Variants in CACNA1A observed in about 807,000 individuals in gnomAD.
CACNA1A encodes voltage-dependent P/Q-type calcium channel subunit alpha-1A.
CACNA1A carries 57 observed loss-of-function variants against 262.4 expected under a neutral mutation model. That is an observed-to-expected ratio of 0.22 (90% confidence interval 0.18 to 0.27). The LOEUF is 0.27. Ranked by LOEUF, CACNA1A falls within the 10% of genes least tolerant of loss-of-function variation. CACNA1A has a pLI of 1.00. For missense variants in CACNA1A, 2,526 were observed against 3,562.8 expected (o/e 0.71, Z 7.41); for synonymous variants, 1,431 against 1,419.3 (o/e 1.01, Z -0.18).
chr19:13,216,779 T>C (rs1035771900), intron 38 of CACNA1A, among the ~76,000 whole-genome samples: 3 of 152,132 alleles, frequency 2.0e-5, no homozygotes, highest in African/African-American at 7.2e-5. Flanking sequence ...CTTGAGCTCC[T>C]GGGCTCAAGC....
chr19:13,505,635 G>GTC (rs1161891530), intron 1 of CACNA1A, among the ~76,000 whole-genome samples: 1 of 151,910 alleles, frequency 6.6e-6, no homozygotes, highest in Non-Finnish European at 1.5e-5. Context: ...CAAGGCTCCT[G>GTC]CACGACCCCA....
intron 1 of CACNA1A, among the ~76,000 whole-genome samples, chr19:13,502,255 T>A: frequency 6.6e-6 from 1 of 151,906 alleles, no homozygotes; most frequent in Non-Finnish European, 1.5e-5. Context: ...ACTTTAGGTG[T>A]CTTGTTAAGA....
intron 3 of CACNA1A, among the ~76,000 whole-genome samples, chr19:13,444,127 C>G (rs1227168974): frequency 6.6e-6 from 1 of 152,126 alleles, no homozygotes; most frequent in Non-Finnish European, 1.5e-5. Flanking sequence ...ATCATGACAA[C>G]CAAAAGCTTT....
intron 6 of CACNA1A, among the ~76,000 whole-genome samples, chr19:13,344,022 C>T (rs1207952421): frequency 6.6e-6 from 1 of 152,046 alleles, no homozygotes; most frequent in East Asian, 1.9e-4. Context: ...CCAGCCTGGG[C>T]AACACAGTGA....
rs73505176 is a variant in CACNA1A at position 13,406,750 on chromosome 19, C to A, written c.540-34971G>T. ...CATATACCTGTATTCTGGGCCATCACCCTTCAGCCAGAGTCATCCTTCTAA... is the reference window on the plus strand; with the variant it reads ...CATATACCTGTATTCTGGGCCATCAACCTTCAGCCAGAGTCATCCTTCTAA... On this transcript the variant is annotated intron_variant, in intron 3 of 46. Transcript: ENST00000360228. 9.3e-3 allele frequency among the ~76,000 whole-genome samples: 1,414 copies of A among 151,536 alleles called. 25 individuals are homozygous for A. The highest frequency in any genetic ancestry group is 0.032 in the African/African-American group (1,314 of 41,342).
At chr19:13,360,265 G>GTGTATATATATATATA (rs941666561) in intron 5 of CACNA1A, among the ~76,000 whole-genome samples, 3 of 124,202 alleles carry the variant, frequency 2.4e-5, no homozygotes, top group Non-Finnish European at 3.4e-5. Context: ...GTGTGTGTGT[G>GTGTATATATATATATA]TATATATATA....
At chr19:13,505,512 A>G (rs1312906049) in intron 1 of CACNA1A, among the ~76,000 whole-genome samples, 1 of 151,924 alleles carries the variant, frequency 6.6e-6, no homozygotes, top group Non-Finnish European at 1.5e-5. Flanking sequence ...AAGAAAACCC[A>G]ACCAAGGCCC....
chr19:13,429,973 T>C (rs189200122), intron 3 of CACNA1A, among the ~76,000 whole-genome samples: 1,055 of 33,084 alleles, frequency 0.032, 29 homozygotes, highest in African/African-American at 0.11. Context: ...GAGTGGGGAG[T>C]GTGGAGTAGG....
intron 34 of CACNA1A, among the ~76,000 whole-genome samples, chr19:13,232,923 C>T (rs1441079378): frequency 6.6e-6 from 1 of 151,256 alleles, no homozygotes; most frequent in Non-Finnish European, 1.5e-5. Context: ...GTGACGGGCA[C>T]CTATAATCTC....
chr19:13,421,571 G>A (rs2060316086), intron 3 of CACNA1A, among the ~76,000 whole-genome samples: 1 of 152,162 alleles, frequency 6.6e-6, no homozygotes. Flanking sequence ...AGGAAGTGGG[G>A]CCTTTGGGAG....
At chr19:13,407,402 G>C (rs962936911) in intron 3 of CACNA1A, among the ~76,000 whole-genome samples, 1 of 152,128 alleles carries the variant, frequency 6.6e-6, no homozygotes, top group Non-Finnish European at 1.5e-5. Flanking sequence ...AACATATCTT[G>C]GATATAGAGA....
chr19:13,294,827 G>A (rs1166443454), intron 19 of CACNA1A, among the ~76,000 whole-genome samples: 2 of 152,126 alleles, frequency 1.3e-5, no homozygotes, highest in Non-Finnish European at 2.9e-5. Context: ...TACAGAGAGT[G>A]CTGTGGTAAA....
chr19:13,344,344 T>A (rs771258042), intron 6 of CACNA1A, among the ~76,000 whole-genome samples: 17 of 151,552 alleles, frequency 1.1e-4, no homozygotes, highest in Non-Finnish European at 2.1e-4. Flanking sequence ...AAGATCACAA[T>A]CAGCCAATTA....
In CACNA1A at chr19:13,369,035, C is replaced by G. The variant is rs1435042731; in HGVS notation, c.631+2653G>C. 1.2e-4 allele frequency among the ~76,000 whole-genome samples: 11 copies of G among 91,662 alleles called. 1 individual carries two copies. Among genetic ancestry groups the G allele is most frequent in the African/African-American group, 6.4e-4 (8 of 12,498 alleles). The allele number at this position is 91,662 out of a possible 152,430, so 60.1% of individuals were successfully genotyped here. A position where few individuals can be genotyped will look rare whatever the true frequency, so the allele number is the denominator to read the frequency against. On this transcript the variant is annotated intron_variant, in intron 4 of 46. Transcript: ENST00000360228. ...CCTGGGCGACAGAGCGAGACTCCGT[C>G]TCAAAAAAAAAAAAAAAAAAAAAAA...
chr19:13,294,219 AC>A (rs59827469), intron 19 of CACNA1A, among the ~76,000 whole-genome samples: 17,774 of 143,626 alleles, frequency 0.12, 1,316 homozygotes, highest in South Asian at 0.3. Context: ...AAAAAAAAAA[AC>A]AAACAAAACC....
chr19:13,300,069 T>C (rs769236547), intron 18 of CACNA1A, among the ~76,000 whole-genome samples: 70 of 152,150 alleles, frequency 4.6e-4, no homozygotes, highest in Non-Finnish European at 1.0e-3. Flanking sequence ...CCTCCTGCTG[T>C]GCAGCCCCGT....
intron 1 of CACNA1A, among the ~76,000 whole-genome samples, chr19:13,491,098 G>A (rs1980830361): frequency 6.6e-6 from 1 of 152,176 alleles, no homozygotes; most frequent in Non-Finnish European, 1.5e-5. Context: ...TTGCCCACTC[G>A]CACACCAACC....
intron 3 of CACNA1A, among the ~76,000 whole-genome samples, chr19:13,419,489 T>C (rs2060280743): frequency 6.6e-6 from 1 of 151,052 alleles, no homozygotes; most frequent in African/African-American, 2.4e-5. Flanking sequence ...CAGCCTTTGG[T>C]AACATAGGGA....
intron 3 of CACNA1A, among the ~76,000 whole-genome samples, chr19:13,431,518 G>A (rs565603782): frequency 3.9e-5 from 6 of 152,238 alleles, no homozygotes; most frequent in Admixed American, 6.5e-5. Flanking sequence ...TTGGGTGACG[G>A]TGGTCTTTTG....
Sources: allele counts gnomAD v4.1 joint callset (sites outside exome capture counted in the v4.1 genomes callset), GRCh38; gene constraint gnomAD v4.1.1; transcripts MANE v1.5; gene names NCBI Gene and HGNC (gene_info 2026-07-23, HGNC 2026-07-21).